Variants in PPP2R3A observed in about 807,000 individuals in gnomAD.
PPP2R3A encodes protein phosphatase 2 regulatory subunit B''alpha.
Under a neutral mutation model 106.9 loss-of-function variants are expected in PPP2R3A, and 80 were observed. The observed-to-expected ratio is 0.75, with a 90% CI of 0.62 to 0.90. PPP2R3A has a LOEUF of 0.90. PPP2R3A is among the 40% of genes least tolerant of loss of function. The pLI, the probability that PPP2R3A is intolerant of heterozygous loss-of-function variation, is 0.00. For synonymous variants in PPP2R3A, 483 were observed against 468.3 expected, an observed-to-expected ratio of 1.03 and a Z score of -0.41; for missense variants, 1,386 against 1,350.4, an observed-to-expected ratio of 1.03 and a Z score of -0.41.
At chr3:136,108,961 A>G (rs1445970609) in intron 13 of PPP2R3A, among the ~76,000 whole-genome samples, 1 of 152,200 alleles carries the variant, frequency 6.6e-6, no homozygotes, top group Admixed American at 6.5e-5. Context: ...TAAAAAGTAC[A>G]TAATCATAAA....
chr3:136,130,666 A>C (rs533244275), intron 13 of PPP2R3A, among the ~76,000 whole-genome samples: 2 of 152,086 alleles, frequency 1.3e-5, no homozygotes, highest in African/African-American at 2.4e-5. Context: ...CTACTTTAAA[A>C]TTCATATGGA....
chr3:136,136,067 AAAAAAAT>A lies in PPP2R3A; in HGVS notation c.3330-8975_3330-8969del, dbSNP rs1283364710. Reference sequence around the variant, plus strand: ...TCTCAAAAAAAAAAAAAAAAAAAAAAAAAAAATTATATATATATATATATATAAAAAA... The same window carrying A: ...TCTCAAAAAAAAAAAAAAAAAAAAAATATATATATATATATATATAAAAAA... On this transcript the variant is annotated intron_variant, in intron 13 of 13. Transcript: ENST00000264977. 1.9e-3 allele frequency among the ~76,000 whole-genome samples: 59 copies of A among 30,338 alleles called. 2 individuals carry two copies. The highest frequency in any genetic ancestry group is 2.3e-3 in the Non-Finnish European group (23 of 10,140). 19.9% of individuals were successfully genotyped at this position (30,338 alleles called of 152,430 possible). A position where few individuals can be genotyped will look rare whatever the true frequency, so the allele number is the denominator to read the frequency against.
rs1406440431 is a variant in PPP2R3A, at chr3:136,128,244, C to T, written c.3330-16799C>T. On this transcript the variant is annotated intron_variant, in intron 13 of 13. Transcript: ENST00000264977. ...AAATTGGATAAAGAGTCAAGACCCA[C>T]TGGTGTGCTGTATTCAGGAGACCCA... Among the ~76,000 whole-genome samples the T allele has an allele frequency of 2.0e-5, 3 of 151,742 alleles. No homozygotes were observed. The East Asian group carries it at 5.8e-4, about 29-fold the overall frequency.
At position 136,140,455 on chromosome 3, in the gene PPP2R3A, A is replaced by C. The variant is rs534900944; in HGVS notation, c.3330-4588A>C. Among the ~76,000 whole-genome samples, 294 of 151,098 alleles carry C rather than the reference A, an allele frequency of 1.9e-3. 1 individual carries two copies. In the South Asian group the frequency reaches 0.022, roughly 12 times the overall value. ...AGTGAGACTCTTTAAAAAAAAAAAAAAAAAAAAAACCCGGGCTCAGTGGCT... is the reference window on the plus strand; with the variant it reads ...AGTGAGACTCTTTAAAAAAAAAAAACAAAAAAAAACCCGGGCTCAGTGGCT... On this transcript the variant is annotated intron_variant, in intron 13 of 13. Transcript: ENST00000264977.
rs181527381 is a variant in PPP2R3A, at chr3:136,080,835, A to T, written c.2632-1430A>T. On this transcript the variant is annotated intron_variant, in intron 7 of 13. Transcript: ENST00000264977. ...ATTTTTACTAGCTGCATAATTTTCT[A>T]TCCAGCAGATTTACCATAACTTAAT... 7.2e-5 allele frequency among the ~76,000 whole-genome samples: 11 copies of T among 152,294 alleles called. No homozygotes were observed. In the East Asian group the frequency reaches 1.9e-3, roughly 27 times the overall value.
rs374602334 is a variant in PPP2R3A, at chr3:136,062,631, T to C, written c.2470-7847T>C. 7.2e-4 allele frequency among the ~76,000 whole-genome samples: 108 copies of C among 149,044 alleles called. 1 individual carries two copies. Among genetic ancestry groups the C allele is most frequent in the African/African-American group, 2.4e-3 (97 of 40,292 alleles). ...TACTCAGGAGGCTAGGGCAGGAGAA[T>C]GGCGTGAACCTGGGAGGCGGAGCTT... On this transcript the variant is annotated intron_variant, in intron 5 of 13. Transcript: ENST00000264977.
At chr3:136,131,140 A>G (rs1445206897) in intron 13 of PPP2R3A, among the ~76,000 whole-genome samples, 23 of 152,222 alleles carry the variant, frequency 1.5e-4, no homozygotes, top group Non-Finnish European at 5.9e-5. Flanking sequence ...CAATGGCAAC[A>G]AAAGCCAAAA....
chr3:136,022,031 T>C, intron 2 of PPP2R3A, among the ~76,000 whole-genome samples: 1 of 152,122 alleles, frequency 6.6e-6, no homozygotes, highest in Admixed American at 6.6e-5. Flanking sequence ...TACCAAAGGA[T>C]GACTTTACTT....
chr3:136,135,123 T>G (rs1192877032), intron 13 of PPP2R3A, among the ~76,000 whole-genome samples: 2 of 152,062 alleles, frequency 1.3e-5, no homozygotes. Flanking sequence ...GGCAGGGGGT[T>G]GCAGACAGAA....
intron 4 of PPP2R3A, among the ~76,000 whole-genome samples, chr3:136,046,203 G>A (rs140398665): frequency 7.0e-4 from 107 of 152,266 alleles, no homozygotes; most frequent in African/African-American, 2.5e-3. Flanking sequence ...TGTAATCCCA[G>A]CACGTTGGGA....
intron 1 of PPP2R3A, among the ~76,000 whole-genome samples, chr3:135,991,504 G>A (rs1933159362): frequency 6.9e-6 from 1 of 145,608 alleles, no homozygotes; most frequent in Non-Finnish European, 1.5e-5. Context: ...TATTCCTTTT[G>A]GAGATAGTTC....
chr3:136,034,273 G>GA (rs1175722185), intron 3 of PPP2R3A, among the ~76,000 whole-genome samples: 2 of 152,076 alleles, frequency 1.3e-5, no homozygotes, highest in Non-Finnish European at 2.9e-5. Flanking sequence ...TTGACCTCAT[G>GA]AACCACCGAC....
intron 7 of PPP2R3A, among the ~76,000 whole-genome samples, chr3:136,079,984 C>G (rs544186241): frequency 2.0e-5 from 3 of 152,136 alleles, no homozygotes; most frequent in African/African-American, 7.2e-5. Flanking sequence ...GAGTAATAAA[C>G]AGAAGTCACT....
chr3:136,093,417 GAAA>G (rs1199065064), intron 10 of PPP2R3A, among the ~76,000 whole-genome samples: 1 of 151,934 alleles, frequency 6.6e-6, no homozygotes, highest in Non-Finnish European at 1.5e-5. Flanking sequence ...TCAAAAAAAA[GAAA>G]AAATTAATAC....
chr3:136,099,611 C>G (rs1937306841), intron 10 of PPP2R3A, among the ~76,000 whole-genome samples: 1 of 151,140 alleles, frequency 6.6e-6, no homozygotes, highest in African/African-American at 2.4e-5. Flanking sequence ...AGAAAGAAAC[C>G]CCCTCCCCCA....
chr3:136,098,133 G>A (rs1314464848), intron 10 of PPP2R3A, among the ~76,000 whole-genome samples: 1 of 152,136 alleles, frequency 6.6e-6, no homozygotes, highest in Non-Finnish European at 1.5e-5. Flanking sequence ...GGCAACATAG[G>A]AAGACCTGAT....
At chr3:136,092,337 A>T (rs112411146) in intron 10 of PPP2R3A, among the ~76,000 whole-genome samples, 82 of 152,278 alleles carry the variant, frequency 5.4e-4, no homozygotes, top group African/African-American at 1.7e-3. Flanking sequence ...TCACCAAAAA[A>T]ATATATATAT....
intron 1 of PPP2R3A, among the ~76,000 whole-genome samples, chr3:135,994,102 G>C (rs994696911): frequency 4.6e-5 from 7 of 152,202 alleles, no homozygotes. Context: ...CAAAATAAAA[G>C]TGAAGCTCTA....
At chr3:136,019,529 C>G (rs903303176) in intron 2 of PPP2R3A, among the ~76,000 whole-genome samples, 5 of 152,064 alleles carry the variant, frequency 3.3e-5, no homozygotes, top group African/African-American at 1.2e-4. Context: ...TAGTGAAATT[C>G]CCCTATGTTT....
Sources: allele counts gnomAD v4.1 joint callset (sites outside exome capture counted in the v4.1 genomes callset), GRCh38; gene constraint gnomAD v4.1.1; transcripts MANE v1.5; gene names NCBI Gene and HGNC (gene_info 2026-07-23, HGNC 2026-07-21).